The following INPP4B variants were observed in gnomAD, a reference collection of about 807,000 sequenced individuals.
The protein encoded by INPP4B is inositol polyphosphate-4-phosphatase type II B, also known as inositol polyphosphate 4-phosphatase type II.
A neutral mutation model predicts 122.5 loss-of-function variants in INPP4B; 55 were observed. The observed-to-expected ratio is 0.45, with a 90% confidence interval of 0.36 to 0.56. The LOEUF (loss-of-function observed/expected upper bound fraction) is 0.56, where lower values mean the gene tolerates loss of function less well. INPP4B is among the 20% of genes least tolerant of loss of function. The pLI, the probability that INPP4B is intolerant of heterozygous loss-of-function variation, is 0.00. For synonymous variants in INPP4B, 403 were observed against 388.7 expected (o/e 1.04, Z -0.43); for missense variants, 1,000 against 1,097.7 (o/e 0.91, Z 1.26).
intron 15 of INPP4B, among the ~76,000 whole-genome samples, chr4:142,185,557 C>T (rs905995662): frequency 1.3e-5 from 2 of 151,874 alleles, no homozygotes; most frequent in Admixed American, 6.6e-5. Context: ...TACCTCTTAA[C>T]TAAGAAATCT....
At chr4:142,383,517 G>C (rs1462340101) in intron 7 of INPP4B, among the ~76,000 whole-genome samples, 1 of 152,062 alleles carries the variant, frequency 6.6e-6, no homozygotes, top group Non-Finnish European at 1.5e-5. Flanking sequence ...TCAAAACAGA[G>C]TTATGTGGAC....
intron 7 of INPP4B, among the ~76,000 whole-genome samples, chr4:142,390,551 A>T (rs1482329385): frequency 1.3e-5 from 2 of 152,170 alleles, no homozygotes; most frequent in Non-Finnish European, 2.9e-5. Flanking sequence ...GATGCTACAG[A>T]GGGCCCCTAA....
intron 21 of INPP4B, among the ~76,000 whole-genome samples, chr4:142,118,891 T>C (rs977085558): frequency 1.3e-5 from 2 of 151,806 alleles, no homozygotes; most frequent in African/African-American, 4.8e-5. Flanking sequence ...TTACAATCTA[T>C]CTATCTGACA....
chr4:142,517,360 C>A (rs1825540108), intron 2 of INPP4B, among the ~76,000 whole-genome samples: 1 of 151,996 alleles, frequency 6.6e-6, no homozygotes, highest in Non-Finnish European at 1.5e-5. Flanking sequence ...GTTGAATGAC[C>A]ATGCTGAAGC....
intron 18 of INPP4B, among the ~76,000 whole-genome samples, chr4:142,144,915 CTTTT>C (rs916097843): frequency 3.3e-5 from 5 of 150,830 alleles, no homozygotes; most frequent in African/African-American, 1.2e-4. Flanking sequence ...TCTTATGACT[CTTTT>C]TTTTTAAAGT....
At position 142,198,379 on chromosome 4, in the gene INPP4B, A is replaced by C. The variant is rs920727185; in HGVS notation, c.1073-5184T>G. Among the ~76,000 whole-genome samples, 9 of 152,018 alleles carry C rather than the reference A, an allele frequency of 5.9e-5. 1 individual carries two copies. Among genetic ancestry groups the C allele is most frequent in the African/African-American group, 2.2e-4 (9 of 41,434 alleles). On this transcript the variant is annotated intron_variant, in intron 14 of 25. Coordinates refer to ENST00000262992, the MANE Select transcript of INPP4B (RefSeq NM_001101669.3). ...CAACTAGGTACATACTTAAATTATA[A>C]GCAAAATTAATTTTGATCTTAATTA...
chr4:142,645,717 A>G (rs1751625450), intron 2 of INPP4B, among the ~76,000 whole-genome samples: 2 of 152,182 alleles, frequency 1.3e-5, no homozygotes, highest in South Asian at 4.1e-4. Context: ...TCAGCTGTTG[A>G]ATTCTTGTTC....
intron 7 of INPP4B, among the ~76,000 whole-genome samples, chr4:142,361,801 T>C (rs1289790807): frequency 6.6e-6 from 1 of 151,938 alleles, no homozygotes; most frequent in Non-Finnish European, 1.5e-5. Context: ...CAATATTATA[T>C]ATATGATAGT....
chr4:142,661,115 C>G (rs77065995), intron 2 of INPP4B, among the ~76,000 whole-genome samples: 2,245 of 152,248 alleles, frequency 0.015, 26 homozygotes, highest in Non-Finnish European at 0.024. Context: ...ACCTGGGATT[C>G]AAACGCCAGG....
At chr4:142,247,743 T>C (rs2150135094) in intron 11 of INPP4B, among the ~76,000 whole-genome samples, 1 of 152,266 alleles carries the variant, frequency 6.6e-6, no homozygotes, top group African/African-American at 2.4e-5. Context: ...AAAAACCAGC[T>C]CCTGGATTCA....
rs913276804 is a variant in INPP4B, at chr4:142,375,055, C to G, written c.372+27883G>C. Among the ~76,000 whole-genome samples, 4 of 151,692 alleles carry G rather than the reference C, an allele frequency of 2.6e-5. 1 individual carries two copies. Among genetic ancestry groups the G allele is most frequent in the African/African-American group, 7.3e-5 (3 of 41,346 alleles). On this transcript the variant is annotated intron_variant, in intron 7 of 25. Transcript: ENST00000262992. Reference sequence around the variant, plus strand: ...CTTTTCTCTTCCTTCTTTTTGCTACCCATCTTATACGGTCTAATCACTCAC... The same window carrying G: ...CTTTTCTCTTCCTTCTTTTTGCTACGCATCTTATACGGTCTAATCACTCAC...
chr4:142,255,873 C>A (rs1735643263), intron 11 of INPP4B, among the ~76,000 whole-genome samples: 1 of 150,102 alleles, frequency 6.7e-6, no homozygotes, highest in Non-Finnish European at 1.5e-5. Flanking sequence ...ATCTACAGAA[C>A]TCTCCACCCC....
At chr4:142,830,737 C>A (rs960487823) in intron 1 of INPP4B, among the ~76,000 whole-genome samples, 1 of 150,382 alleles carries the variant, frequency 6.6e-6, no homozygotes, top group Non-Finnish European at 1.5e-5. Context: ...AAGAGTGGGG[C>A]AGGCAGTGAC....
intron 25 of INPP4B, among the ~76,000 whole-genome samples, chr4:142,058,251 G>A (rs1276373215): frequency 6.6e-6 from 1 of 151,704 alleles, no homozygotes; most frequent in Non-Finnish European, 1.5e-5. Flanking sequence ...TTAAATTGAG[G>A]GTAATCATTA....
intron 1 of INPP4B, among the ~76,000 whole-genome samples, chr4:142,775,711 T>A (rs553340532): frequency 6.6e-6 from 1 of 152,228 alleles, no homozygotes; most frequent in Non-Finnish European, 1.5e-5. Flanking sequence ...TTAGATCTTA[T>A]GTCCATTTAA....
At chr4:142,267,057 G>A in intron 10 of INPP4B, among the ~76,000 whole-genome samples, 1 of 152,106 alleles carries the variant, frequency 6.6e-6, no homozygotes, top group Non-Finnish European at 1.5e-5. Flanking sequence ...AAAAGTTGTA[G>A]ATAACACAGA....
chr4:142,431,066 G>A (rs547119893), intron 4 of INPP4B, 103 bp downstream of exon 4: 19 of 797,572 alleles, frequency 2.4e-5, no homozygotes, highest in African/African-American at 1.0e-4. Flanking sequence ...TATTAGAACC[G>A]AAGTTCCTAT....
intron 7 of INPP4B, among the ~76,000 whole-genome samples, chr4:142,324,699 C>A (rs1391178170): frequency 1.3e-5 from 2 of 152,120 alleles, no homozygotes; most frequent in Non-Finnish European, 2.9e-5. Context: ...ACTCAGCACT[C>A]CCCCTAGGGC....
intron 1 of INPP4B, among the ~76,000 whole-genome samples, chr4:142,739,749 T>C (rs1165518559): frequency 6.6e-6 from 1 of 151,796 alleles, no homozygotes; most frequent in Non-Finnish European, 1.5e-5. Context: ...TTAAAAGCAA[T>C]GAAAGAAAAA....
Sources: gnomAD v4.1 joint callset for allele counts (sites outside exome capture counted in the v4.1 genomes callset) on GRCh38, gnomAD v4.1.1 for gene constraint, MANE v1.5 for transcripts, NCBI Gene and HGNC (gene_info 2026-07-23, HGNC 2026-07-21) for gene names.